The following MYO5C variants were observed in gnomAD, a reference collection of about 807,000 sequenced individuals.
The protein encoded by MYO5C is unconventional myosin-Vc.
In MYO5C, 194 loss-of-function variants were observed where a neutral mutation model predicts 235.7. The ratio of observed to expected loss-of-function variants is 0.82; its 90% CI spans 0.73 to 0.93. The LOEUF (loss-of-function observed/expected upper bound fraction) is 0.93. Among genes scored for constraint, MYO5C ranks in the 40% least tolerant of loss-of-function variants. The probability of loss-of-function intolerance (pLI) is 0.00; values close to 1 mark genes in which losing one functional copy is unlikely to be tolerated. For missense variants in MYO5C, 2,038 were observed against 2,127.2 expected (o/e 0.96, Z 0.82); for synonymous variants, 707 against 754.8 (o/e 0.94, Z 1.04).
rs554525934 is a variant in MYO5C at position 52,248,684 on chromosome 15, C to G, written c.1746+16G>C. 1 of 1,594,608 alleles carries G rather than the reference C, an allele frequency of 6.3e-7. No homozygotes were observed. The highest frequency in any genetic ancestry group is 1.3e-5 in the African/African-American group (1 of 74,430). On this transcript the variant is annotated intron_variant, in intron 14 of 40. Transcript: ENST00000261839. ...AATTATATAATAACTTTAGTTACCC[C>G]TAGGACTTTACAGACCTTGCTTGCT... is the stretch of plus-strand genomic sequence containing the variant.
At chr15:52,279,039 A>C in intron 3 of MYO5C, 22 bp from the exon 4 acceptor site, 1 of 1,599,894 alleles carries the variant, frequency 6.3e-7, no homozygotes, top group Non-Finnish European at 8.5e-7. Flanking sequence ...TGTTAGATGC[A>C]GTTAAAATAC....
chr15:52,241,895 G>A (rs1335969210), intron 20 of MYO5C, among the ~76,000 whole-genome samples, 153 bp downstream of exon 20: 3 of 152,182 alleles, frequency 2.0e-5, no homozygotes, highest in African/African-American at 7.2e-5. Context: ...ACAGGCATGA[G>A]CCACAGCACC....
At chr15:52,295,175 C>T (rs1453977399) in intron 1 of MYO5C, among the ~76,000 whole-genome samples, 1 of 152,198 alleles carries the variant, frequency 6.6e-6, no homozygotes, top group African/African-American at 2.4e-5. Flanking sequence ...CAGCTTCCTA[C>T]GTCCGCATGG....
chr15:52,214,712 A>G, intron 32 of MYO5C, 22 bp from the exon 33 acceptor site: 2 of 1,523,934 alleles, frequency 1.3e-6, no homozygotes, highest in Non-Finnish European at 1.8e-6. Flanking sequence ...AAAAGAAACC[A>G]GGATTTAGCT....
intron 2 of MYO5C, among the ~76,000 whole-genome samples, chr15:52,280,735 C>T (rs1458678479): frequency 6.6e-6 from 1 of 152,208 alleles, no homozygotes; most frequent in Non-Finnish European, 1.5e-5. Flanking sequence ...ATTTAATCCT[C>T]AAAACTGCCT....
Position 52,260,041 on chromosome 15 carries a change from G to A in MYO5C, c.1313+821C>T, listed in dbSNP as rs534658157. 7.2e-5 allele frequency among the ~76,000 whole-genome samples: 11 copies of A among 152,384 alleles called. No individual in the cohort carries two copies. In the South Asian group the frequency reaches 2.3e-3, roughly 32 times the overall value. ...TAAGAAACCAGGGTGGGTCCCAGGA[G>A]AGGGGCAAGGGCTGGGCACTGGGGC... On this transcript the variant is annotated intron_variant, in intron 10 of 40. Transcript: ENST00000261839.
At chr15:52,289,626 C>T (rs78325121) in intron 1 of MYO5C, among the ~76,000 whole-genome samples, 8,687 of 151,738 alleles carry the variant, frequency 0.057, 502 homozygotes, top group African/African-American at 0.14. Flanking sequence ...CCCACCAATC[C>T]TCTCTTGACT....
At chr15:52,263,070 G>C (rs985850790) in intron 9 of MYO5C, among the ~76,000 whole-genome samples, 1 of 152,178 alleles carries the variant, frequency 6.6e-6, no homozygotes, top group South Asian at 2.1e-4. Context: ...GTCCTCACCA[G>C]AACCGACCAG....
In MYO5C at chr15:52,270,126, T is replaced by C. The variant is rs75352487; in HGVS notation, c.833-266A>G. Among the ~76,000 whole-genome samples the C allele has an allele frequency of 6.9e-3, 1,052 of 152,122 alleles. 16 individuals are homozygous for C. The highest frequency in any genetic ancestry group is 0.024 in the African/African-American group (1,005 of 41,528). On this transcript the variant is annotated intron_variant, in intron 7 of 40. Transcript: ENST00000261839. Reference sequence around the variant, plus strand: ...GCAAAAGGGCAAAACCAAATCTCTATAAAAAATTAGCTGGACATGGTGGCA... The same window carrying C: ...GCAAAAGGGCAAAACCAAATCTCTACAAAAAATTAGCTGGACATGGTGGCA...
At chr15:52,210,797 G>C (rs1474910278) in intron 35 of MYO5C, among the ~76,000 whole-genome samples, 1 of 152,212 alleles carries the variant, frequency 6.6e-6, no homozygotes. Context: ...AAAATAATCA[G>C]TATGCTAAGA....
intron 2 of MYO5C, among the ~76,000 whole-genome samples, chr15:52,281,358 G>A (rs938238265): frequency 1.3e-5 from 2 of 152,240 alleles, no homozygotes; most frequent in African/African-American, 4.8e-5. Flanking sequence ...CACCTCTGCA[G>A]CCGGGTCAAG....
At chr15:52,286,685 G>A (rs2037281962) in intron 1 of MYO5C, among the ~76,000 whole-genome samples, 1 of 152,064 alleles carries the variant, frequency 6.6e-6, no homozygotes, top group South Asian at 2.1e-4. Context: ...TCCACTCAGG[G>A]TTAAATGGAT....
Position 52,193,880 on chromosome 15 carries a change from A to C in MYO5C, c.*22T>G. The C allele has an allele frequency of 1.1e-5, 17 of 1,595,956 alleles. No homozygotes were observed. The highest frequency in any genetic ancestry group is 1.4e-5 in the Non-Finnish European group (17 of 1,174,896). Reference sequence around the variant, plus strand: ...ACCTTCACTTAGCTTTTGAAGAAAAAGTGCATTGACTTTTTCTCCTGCTAT... The same window carrying C: ...ACCTTCACTTAGCTTTTGAAGAAAACGTGCATTGACTTTTTCTCCTGCTAT... On this transcript the variant is annotated 3_prime_UTR_variant, in exon 41 of 41. Coordinates refer to ENST00000261839, the MANE Select transcript of MYO5C (RefSeq NM_018728.4).
At chr15:52,272,766 T>C (rs766073749) in intron 5 of MYO5C, 43 bp from the exon 6 acceptor site, 1 of 1,598,394 alleles carries the variant, frequency 6.3e-7, no homozygotes, top group Admixed American at 1.7e-5. Context: ...CATTAAAAGA[T>C]TTTTGCCTCA....
chr15:52,225,462 T>C lies in MYO5C; in HGVS notation c.3278A>G (p.Gln1093Arg). The C allele has an allele frequency of 6.2e-7, 1 of 1,613,674 alleles. No homozygotes were observed. The highest frequency in any genetic ancestry group is 8.5e-7 in the Non-Finnish European group (1 of 1,179,744). The change falls in exon 26 of 41, where the codon CAG (glutamine) becomes CGG (arginine). Residue 1093 changes from glutamine to arginine, a missense_variant. Physicochemically the swap from Gln to Arg is conservative, Grantham distance 43. Transcript: ENST00000261839. ...AQKIDVEKHV[Q>R]SQKREMREKM... is the part of the protein sequence containing the mutation. ...ACCTCTCATTTCCCGTTTTTGTGACTGCACATGTTTCTCCACATCTATCTT... is the reference window on the plus strand; with the variant it reads ...ACCTCTCATTTCCCGTTTTTGTGACCGCACATGTTTCTCCACATCTATCTT...
chr15:52,209,962 TAA>T (rs1385376277), intron 35 of MYO5C, among the ~76,000 whole-genome samples: 19 of 152,242 alleles, frequency 1.2e-4, no homozygotes, highest in Admixed American at 1.1e-3. Flanking sequence ...ATTAATTAAT[TAA>T]TTAATTTATT....
At chr15:52,197,789 C>A (rs1009121407) in intron 38 of MYO5C, among the ~76,000 whole-genome samples, 3 of 152,072 alleles carry the variant, frequency 2.0e-5, no homozygotes, top group South Asian at 2.1e-4. Flanking sequence ...GCGCCTGCCA[C>A]TACACCCGGC....
At chr15:52,217,909 G>A (rs936736053) in intron 32 of MYO5C, among the ~76,000 whole-genome samples, 1 of 152,170 alleles carries the variant, frequency 6.6e-6, no homozygotes, top group African/African-American at 2.4e-5. Flanking sequence ...TCCTAGGAAA[G>A]TGGCCTGTCA....
intron 1 of MYO5C, among the ~76,000 whole-genome samples, chr15:52,288,596 C>G (rs1456969939): frequency 6.6e-6 from 1 of 152,226 alleles, no homozygotes; most frequent in Non-Finnish European, 1.5e-5. Flanking sequence ...CCTCCTCCCT[C>G]ACATTCCTCT....
Sources: allele counts gnomAD v4.1 joint callset (sites outside exome capture counted in the v4.1 genomes callset), GRCh38; gene constraint gnomAD v4.1.1; transcripts MANE v1.5; gene names NCBI Gene and HGNC (gene_info 2026-07-23, HGNC 2026-07-21).